LNX2: variants seen among roughly 807,000 people sequenced by gnomAD.
The protein encoded by LNX2 is ligand of numb-protein X 2.
LNX2 carries 35 observed loss-of-function variants against 66.2 expected under a neutral mutation model. The ratio of observed to expected loss-of-function variants is 0.53; its 90% confidence interval spans 0.40 to 0.70. The LOEUF (loss-of-function observed/expected upper bound fraction) is 0.70. Among genes scored for constraint, LNX2 ranks in the 30% least tolerant of loss-of-function variants. The pLI is 0.00. For synonymous variants in LNX2, 337 were observed against 315.6 expected (o/e 1.07, Z -0.72); for missense variants, 791 against 850.8 (o/e 0.93, Z 0.87).
intron 2 of LNX2, among the ~76,000 whole-genome samples, chr13:27,570,866 C>T (rs1187338537): frequency 6.6e-6 from 1 of 152,092 alleles, no homozygotes; most frequent in Non-Finnish European, 1.5e-5. Context: ...ATTATGTACA[C>T]CTGGGAATCA....
chr13:27,572,761 T>C (rs148891137), intron 2 of LNX2, among the ~76,000 whole-genome samples: 51 of 152,288 alleles, frequency 3.3e-4, no homozygotes, highest in African/African-American at 1.2e-3. Flanking sequence ...TATATTATTG[T>C]CAGTAATATT....
chr13:27,606,390 A>AG (rs1355467291), intron 1 of LNX2, among the ~76,000 whole-genome samples: 2 of 151,560 alleles, frequency 1.3e-5, no homozygotes, highest in Non-Finnish European at 1.5e-5. Flanking sequence ...AAAAAAAAAA[A>AG]AGAGAGAAAA....
Position 27,556,401 on chromosome 13 carries a change from ACT to A in LNX2, c.1379_1380del (p.Gln460LeufsTer17). 1 of 1,613,732 alleles carries A rather than the reference ACT, an allele frequency of 6.2e-7. No individual in the cohort carries two copies. The highest frequency in any genetic ancestry group is 8.5e-7 in the Non-Finnish European group (1 of 1,179,756). ...SRPSSHKDLT[Q>X]CVTCQEKHIT... ...ATGTGTTTTTCTTGGCATGTAACAC[ACT>A]GAGTAAGATCCTAAAACATACAAGA... On this transcript the variant is annotated frameshift_variant, in exon 7 of 10. Transcript: ENST00000316334. LOFTEE classifies it high-confidence loss of function.
intron 5 of LNX2, 106 bp from the exon 6 acceptor site, chr13:27,560,091 G>T (rs1955112817): frequency 2.0e-6 from 2 of 993,002 alleles, no homozygotes; most frequent in Non-Finnish European, 2.8e-6. Flanking sequence ...CTGTACCAGG[G>T]CGTCATCTGG....
intron 4 of LNX2, among the ~76,000 whole-genome samples, chr13:27,565,596 A>G (rs1385329074): frequency 6.6e-6 from 1 of 152,224 alleles, no homozygotes; most frequent in Non-Finnish European, 1.5e-5. Context: ...ATATCATAAA[A>G]TGCAGCTAGG....
chr13:27,613,509 T>G (rs561123995), intron 1 of LNX2, among the ~76,000 whole-genome samples: 1 of 152,328 alleles, frequency 6.6e-6, no homozygotes, highest in South Asian at 2.1e-4. Flanking sequence ...TGGTGGCTCA[T>G]GCCTGTAATC....
rs750579036 is a variant in LNX2 at position 27,556,225 on chromosome 13, T to C, written c.1546+11A>G. ...TAAGATGTGGTAAAATTTTTCAAGA[T>C]CCCATCTTACCTCTCTTTATTCTGC... On this transcript the variant is annotated intron_variant, in intron 7 of 9. Transcript: ENST00000316334. 6.2e-7 allele frequency: 1 copy of C among 1,602,514 alleles called. No individual in the cohort carries two copies. The highest frequency in any genetic ancestry group is 1.1e-5 in the South Asian group (1 of 89,510).
intron 2 of LNX2, among the ~76,000 whole-genome samples, chr13:27,570,312 T>C (rs4771141): frequency 0.57 from 86,477 of 152,062 alleles, 25,069 homozygotes; most frequent in African/African-American, 0.67. Flanking sequence ...CAGACCTTCA[T>C]TCAACAATAT....
At chr13:27,601,311 T>G (rs1488693118) in intron 1 of LNX2, among the ~76,000 whole-genome samples, 1 of 152,208 alleles carries the variant, frequency 6.6e-6, no homozygotes, top group Non-Finnish European at 1.5e-5. Context: ...AAGATATTTT[T>G]ACTGTTCCCT....
chr13:27,603,194 T>G (rs942311712), intron 1 of LNX2, among the ~76,000 whole-genome samples: 3 of 152,134 alleles, frequency 2.0e-5, no homozygotes, highest in South Asian at 4.1e-4. Context: ...AACCTACAAT[T>G]TAGATCAATA....
intron 6 of LNX2, among the ~76,000 whole-genome samples, chr13:27,559,628 A>G (rs938788406): frequency 2.6e-5 from 4 of 152,218 alleles, no homozygotes; most frequent in Admixed American, 2.6e-4. Flanking sequence ...TCTAAGGAAC[A>G]AAGCAGTCAC....
At chr13:27,558,533 T>A (rs1215997995) in intron 6 of LNX2, among the ~76,000 whole-genome samples, 1 of 152,066 alleles carries the variant, frequency 6.6e-6, no homozygotes, top group Non-Finnish European at 1.5e-5. Context: ...TACACCCCTA[T>A]CTCAAATTAT....
At chr13:27,552,163 T>C (rs1955015250) in intron 8 of LNX2, among the ~76,000 whole-genome samples, 2 of 152,200 alleles carry the variant, frequency 1.3e-5, no homozygotes, top group South Asian at 4.1e-4. Flanking sequence ...GAGGTCAATG[T>C]GCCAACCTCC....
chr13:27,560,917 A>G (rs1483202472), intron 5 of LNX2, among the ~76,000 whole-genome samples: 3 of 152,178 alleles, frequency 2.0e-5, no homozygotes, highest in African/African-American at 7.2e-5. Context: ...TTCAAATCTT[A>G]CATTAGAAAA....
chr13:27,583,229 T>TCCTCTCCAATATAA (rs1566124775), intron 1 of LNX2, among the ~76,000 whole-genome samples: 1 of 19,640 alleles, frequency 5.1e-5, no homozygotes, highest in Non-Finnish European at 1.0e-4. Flanking sequence ...TGTGTGTGTG[T>TCCTCTCCAATATAA]GTGTGTGTGT....
intron 1 of LNX2, among the ~76,000 whole-genome samples, chr13:27,618,014 C>A (rs1464066966): frequency 6.6e-6 from 1 of 152,222 alleles, no homozygotes; most frequent in Non-Finnish European, 1.5e-5. Context: ...GTACGACAAT[C>A]ATTTCCCAAA....
rs1954946271 is a variant in LNX2, at chr13:27,546,890, T to C, written c.*1445A>G. On this transcript the variant is annotated 3_prime_UTR_variant, in exon 10 of 10. Coordinates refer to ENST00000316334, the MANE Select transcript of LNX2 (RefSeq NM_153371.4). ...AGTATGTTGAATAAAGGACAAAAAA[T>C]GGGCTAGTCATAATTTTCAAAAACA... is the stretch of plus-strand genomic sequence containing the variant. 6.6e-6 allele frequency: 1 copy of C among 152,154 alleles called. No homozygotes were observed. Among genetic ancestry groups the C allele is most frequent in the Non-Finnish European group, 1.5e-5 (1 of 67,986 alleles). The allele number at this position is 152,154 out of a possible 1,614,324, so 9.4% of individuals were successfully genotyped here. A position where few individuals can be genotyped will look rare whatever the true frequency, so the allele number is the denominator to read the frequency against.
chr13:27,616,839 T>C (rs896510252), intron 1 of LNX2, among the ~76,000 whole-genome samples: 9 of 152,138 alleles, frequency 5.9e-5, no homozygotes, highest in Non-Finnish European at 1.3e-4. Flanking sequence ...AACCTCTAGC[T>C]CCCGGGTTCA....
chr13:27,599,916 T>C (rs1442730514), intron 1 of LNX2, among the ~76,000 whole-genome samples: 2 of 152,190 alleles, frequency 1.3e-5, no homozygotes, highest in Admixed American at 6.5e-5. Context: ...TGAAAATCTT[T>C]TGGTTGCTGT....
Sources: gnomAD v4.1 joint callset for allele counts (sites outside exome capture counted in the v4.1 genomes callset) on GRCh38, gnomAD v4.1.1 for gene constraint, MANE v1.5 for transcripts, NCBI Gene and HGNC (gene_info 2026-07-23, HGNC 2026-07-21) for gene names.